The following ANKRD18B variants were observed in gnomAD, a reference collection of about 807,000 sequenced individuals.
ANKRD18B encodes ankyrin repeat domain-containing protein 18B.
Under a neutral mutation model 111.8 loss-of-function variants are expected in ANKRD18B, and 75 were observed. That is an observed-to-expected ratio of 0.67 (90% CI 0.56 to 0.81). The LOEUF (loss-of-function observed/expected upper bound fraction) is 0.81, where lower values mean the gene tolerates loss of function less well. Ranked by LOEUF, ANKRD18B falls within the 40% of genes least tolerant of loss-of-function variation. The pLI is 0.00. For missense variants in ANKRD18B, 1,038 were observed against 1,225.5 expected (o/e 0.85, Z 2.28); for synonymous variants, 356 against 417.3 (o/e 0.85, Z 1.79).
rs769847543 is a variant in ANKRD18B, at chr9:33,529,050, C to A, written c.372C>A (p.Gly124=). The A allele has an allele frequency of 1.2e-6, 2 of 1,612,108 alleles. No individual in the cohort carries two copies. Among genetic ancestry groups the A allele is most frequent in the Non-Finnish European group, 1.7e-6 (2 of 1,179,868 alleles). ...EACAIILLKR[G]ANPNIKDIYG... ...GTGCCATTATTCTCCTGAAACGTGG[C>A]GCCAATCCAAACATTAAGGATATCT... Residue 124 remains glycine, a synonymous_variant, in exon 3 of 19, where the codon GGC becomes GGA. Transcript: ENST00000684830.
At chr9:33,550,799 T>C (rs1382734761) in intron 12 of ANKRD18B, among the ~76,000 whole-genome samples, 1 of 152,216 alleles carries the variant, frequency 6.6e-6, no homozygotes, top group Non-Finnish European at 1.5e-5. Context: ...TTATAATATC[T>C]ACTCTTGGGA....
Position 33,550,436 on chromosome 9 carries a change from G to A in ANKRD18B, c.2074G>A (p.Val692Met). Residue 692 changes from valine (V) to methionine (M), a missense_variant, in exon 12 of 19, where the codon GTG (valine) becomes ATG (methionine). Val to Met is a conservative substitution (Grantham distance 21). Transcript: ENST00000684830. ...EKEKAEREVI[V>M]REFQEELVDH... ...AACAAAAATATTTTGTCAGGTGATT[G>A]TGAGAGAATTTCAAGAAGAACTGGT... 2 of 1,535,936 alleles carry A rather than the reference G, an allele frequency of 1.3e-6. No individual in the cohort carries two copies. The highest frequency in any genetic ancestry group is 1.7e-4 in the Middle Eastern group (1 of 5,914).
chr9:33,574,594 G>A (rs936740648), downstream of ANKRD18B: 2 of 152,914 alleles, frequency 1.3e-5, no homozygotes, highest in African/African-American at 4.8e-5. Context: ...ACCCTTGGTG[G>A]AGAGGGCAGA....
chr9:33,566,532 T>C lies in ANKRD18B; in HGVS notation c.2742+32T>C, dbSNP rs149782632. The C allele has an allele frequency of 1.6e-4, 255 of 1,586,648 alleles. No homozygotes were observed. The African/African-American group carries it at 3.1e-3, about 19-fold the overall frequency. On this transcript the variant is annotated intron_variant, in intron 15 of 18. Transcript: ENST00000684830. ...TTTTAAAATCAGGTAAGTTTATCTG[T>C]AATGGGCTTTCATTTATTTCACTGC...
chr9:33,525,969 G>T (rs1350352064), intron 1 of ANKRD18B, among the ~76,000 whole-genome samples: 2 of 151,794 alleles, frequency 1.3e-5, no homozygotes, highest in Non-Finnish European at 2.9e-5. Context: ...CACAAGAAAA[G>T]AACTCTAACA....
In ANKRD18B at chr9:33,555,920, C is replaced by T. The variant is rs577791149; in HGVS notation, c.2330+100C>T. 1.2e-4 allele frequency: 91 copies of T among 736,270 alleles called. 1 individual carries two copies. In the African/African-American group the frequency reaches 1.5e-3, roughly 12 times the overall value. 45.6% of individuals were successfully genotyped at this position (736,270 alleles called of 1,614,324 possible). A position where few individuals can be genotyped will look rare whatever the true frequency, so the allele number is the denominator to read the frequency against. On this transcript the variant is annotated intron_variant, in intron 13 of 18. Transcript: ENST00000684830. ...TTGATACAAATTCATTTTATGTCTT[C>T]ATTTTCATAATTAAATGAATTCTGT...
intron 13 of ANKRD18B, among the ~76,000 whole-genome samples, chr9:33,557,773 A>C (rs1828548111): frequency 6.6e-6 from 1 of 152,132 alleles, no homozygotes; most frequent in South Asian, 2.1e-4. Flanking sequence ...GAGCAAAAAG[A>C]GTGAAGTTCC....
At chr9:33,534,664 A>C (rs2118000258) in intron 5 of ANKRD18B, among the ~76,000 whole-genome samples, 157 bp downstream of exon 5, 1 of 152,304 alleles carries the variant, frequency 6.6e-6, no homozygotes, top group South Asian at 2.1e-4. Context: ...ATCACACAGA[A>C]AGCTAGACTA....
At chr9:33,571,667 G>A (rs1377188772) in intron 18 of ANKRD18B, 3 of 154,116 alleles carry the variant, frequency 1.9e-5, no homozygotes, top group Non-Finnish European at 2.9e-5. Flanking sequence ...ATTTCACCAT[G>A]AAATAAAAAC....
intron 12 of ANKRD18B, among the ~76,000 whole-genome samples, chr9:33,555,061 C>T (rs533142661): frequency 2.1e-5 from 3 of 141,932 alleles, no homozygotes; most frequent in Non-Finnish European, 3.2e-5. Flanking sequence ...AAAAACAGAT[C>T]TCTGGATGAG....
chr9:33,528,948 G>A, intron 2 of ANKRD18B, 52 bp from the exon 3 acceptor site: 1 of 1,601,174 alleles, frequency 6.2e-7, no homozygotes, highest in Non-Finnish European at 8.5e-7. Flanking sequence ...TGTGGAATAT[G>A]TATTTTGAAT....
chr9:33,571,032 G>A (rs1828767498), intron 17 of ANKRD18B, among the ~76,000 whole-genome samples: 1 of 152,056 alleles, frequency 6.6e-6, no homozygotes, highest in Non-Finnish European at 1.5e-5. Context: ...ACTCTAAACA[G>A]CATTACACAG....
At position 33,566,361 on chromosome 9, in the gene ANKRD18B, T is replaced by C. The variant is rs1352791533; in HGVS notation, c.2603T>C (p.Met868Thr). The change falls in exon 15 of 19, where the codon ATG becomes ACG. Residue 868 changes from methionine to threonine, a missense_variant. Coordinates refer to ENST00000684830, the MANE Select transcript of ANKRD18B (RefSeq NM_001393611.1). ...KCEKLEKDKK[M>T]LEEKVLNLKT... ...GAAAAACTTGAGAAGGATAAAAAGA[T>C]GTTGGAAGAAAAAGTATTAAATCTT... 6.3e-7 allele frequency: 1 copy of C among 1,577,036 alleles called. No individual in the cohort carries two copies. Among genetic ancestry groups the C allele is most frequent in the Non-Finnish European group, 8.6e-7 (1 of 1,157,822 alleles).
In ANKRD18B at chr9:33,572,515, AC is replaced by A; in HGVS notation, c.*82del. On this transcript the variant is annotated 3_prime_UTR_variant, in exon 19 of 19. Coordinates refer to ENST00000684830, the MANE Select transcript of ANKRD18B (RefSeq NM_001393611.1). ...TAAAATATAAAACATCACAATCTTTACTAAAGTAGAATATTTTCATATCATA... is the reference window on the plus strand; with the variant it reads ...TAAAATATAAAACATCACAATCTTTATAAAGTAGAATATTTTCATATCATA... 1 of 1,377,272 alleles carries A rather than the reference AC, an allele frequency of 7.3e-7. No individual in the cohort carries two copies. The highest frequency in any genetic ancestry group is 9.5e-7 in the Non-Finnish European group (1 of 1,052,256). 85.3% of individuals were successfully genotyped at this position (1,377,272 alleles called of 1,614,324 possible). A position where few individuals can be genotyped will look rare whatever the true frequency, so the allele number is the denominator to read the frequency against.
At chr9:33,536,200 T>C (rs1237799152) in intron 5 of ANKRD18B, among the ~76,000 whole-genome samples, 3 of 152,206 alleles carry the variant, frequency 2.0e-5, no homozygotes, top group African/African-American at 7.2e-5. Context: ...AATTAGAGTA[T>C]ATGTTTTAAT....
rs1195417526 is a variant in ANKRD18B, at chr9:33,550,485, T to C, written c.2123T>C (p.Met708Thr). The change falls in exon 12 of 19, where the codon ATG (methionine) becomes ACG (threonine). Residue 708 changes from methionine (M) to threonine (T), a missense_variant. By Grantham distance (81) the Met-to-Thr change is moderately conservative (BLOSUM62 -1). Transcript: ENST00000684830. ...ELVDHLKKFS[M>T]SESPLEGTSH... ...GTCGATCATCTTAAAAAATTTTCAA[T>C]GTCAGAGTCTCCACTGGAAGGTACA... 1 of 1,548,466 alleles carries C rather than the reference T, an allele frequency of 6.5e-7. No individual in the cohort carries two copies.
intron 1 of ANKRD18B, among the ~76,000 whole-genome samples, chr9:33,527,294 G>A (rs1206013546): frequency 7.6e-6 from 1 of 131,636 alleles, no homozygotes; most frequent in Non-Finnish European, 1.7e-5. Context: ...GTTTCCTTTA[G>A]CTTCATGTTT....
chr9:33,548,997 C>T (rs1828408625), intron 11 of ANKRD18B, 142 bp downstream of exon 11: 3 of 946,844 alleles, frequency 3.2e-6, no homozygotes, highest in Non-Finnish European at 4.4e-6. Context: ...CATGAATCAT[C>T]CAGGAAATAC....
chr9:33,543,381 G>A (rs1828308952), intron 10 of ANKRD18B, 126 bp downstream of exon 10: 1 of 777,260 alleles, frequency 1.3e-6, no homozygotes, highest in Non-Finnish European at 1.9e-6. Flanking sequence ...ATAATTTCAT[G>A]TTGAATTTTA....
Sources: allele counts gnomAD v4.1 joint callset (sites outside exome capture counted in the v4.1 genomes callset), GRCh38; gene constraint gnomAD v4.1.1; transcripts MANE v1.5; gene names NCBI Gene and HGNC (gene_info 2026-07-23, HGNC 2026-07-21).